PAK1: variants seen among roughly 807,000 people sequenced by gnomAD.
PAK1 encodes the protein p21 (RAC1) activated kinase 1.
Under a neutral mutation model 67.4 loss-of-function variants are expected in PAK1, and 29 were observed. The ratio of observed to expected loss-of-function variants is 0.43; its 90% CI spans 0.32 to 0.59. The LOEUF (loss-of-function observed/expected upper bound fraction) is 0.59. Ranked by LOEUF, PAK1 falls within the 20% of genes least tolerant of loss-of-function variation. The pLI is 0.07. For missense variants in PAK1, 337 were observed against 670.7 expected (o/e 0.50, Z 5.50); for synonymous variants, 223 against 237.4 (o/e 0.94, Z 0.56).
intron 1 of PAK1, among the ~76,000 whole-genome samples, chr11:77,437,523 A>G (rs984540292): frequency 6.6e-6 from 1 of 152,196 alleles, no homozygotes; most frequent in African/African-American, 2.4e-5. Context: ...CTGGTTCTCA[A>G]CAAAAGTTGA....
intron 5 of PAK1, among the ~76,000 whole-genome samples, chr11:77,360,293 A>G (rs1310642127): frequency 6.6e-6 from 1 of 152,304 alleles, no homozygotes; most frequent in East Asian, 1.9e-4. Flanking sequence ...ATATATAAGC[A>G]GTTGTGGTGA....
intron 1 of PAK1, among the ~76,000 whole-genome samples, chr11:77,399,354 G>C (rs1252558947): frequency 1.3e-5 from 2 of 152,174 alleles, no homozygotes; most frequent in Non-Finnish European, 2.9e-5. Flanking sequence ...AATTGAATTT[G>C]AGTGATCAGT....
At chr11:77,484,188 T>A in the PAK1 span, among the ~76,000 whole-genome samples, 1 of 129,054 alleles carries the variant, frequency 7.7e-6, no homozygotes, top group African/African-American at 3.0e-5. Context: ...AGAAAAACCA[T>A]GAGTAAGCCA....
intron 5 of PAK1, among the ~76,000 whole-genome samples, chr11:77,372,311 A>G (rs953943078): frequency 2.0e-5 from 3 of 152,196 alleles, no homozygotes; most frequent in Non-Finnish European, 4.4e-5. Flanking sequence ...AAGGCAGCAC[A>G]AATCAGGGGA....
the PAK1 span, among the ~76,000 whole-genome samples, chr11:77,491,371 G>T: frequency 6.6e-6 from 1 of 151,956 alleles, no homozygotes. Context: ...TGAAGCTAAA[G>T]TGTAGAAGTT....
chr11:77,502,362 T>C, the PAK1 span, among the ~76,000 whole-genome samples: 1 of 152,240 alleles, frequency 6.6e-6, no homozygotes, highest in Non-Finnish European at 1.5e-5. Flanking sequence ...GCACAGAATA[T>C]ACAATCACAC....
intron 2 of PAK1, among the ~76,000 whole-genome samples, chr11:77,380,341 A>G (rs972896371): frequency 1.8e-4 from 27 of 152,190 alleles, no homozygotes; most frequent in Non-Finnish European, 5.9e-5. Flanking sequence ...AAAAATACAA[A>G]AATTAGCTAG....
intron 8 of PAK1, among the ~76,000 whole-genome samples, chr11:77,352,039 C>T (rs1591843665): frequency 1.3e-5 from 2 of 152,090 alleles, no homozygotes; most frequent in Admixed American, 1.3e-4. Flanking sequence ...GAAATAACTA[C>T]ACTGTTCTGA....
chr11:77,462,897 T>C (rs1957419330), intron 1 of PAK1, among the ~76,000 whole-genome samples: 2 of 137,126 alleles, frequency 1.5e-5, no homozygotes, highest in East Asian at 4.3e-4. Flanking sequence ...ACAGTTTGAA[T>C]GCTGGCTCCA....
At chr11:77,485,422 A>G in the PAK1 span, among the ~76,000 whole-genome samples, 1 of 152,192 alleles carries the variant, frequency 6.6e-6, no homozygotes, top group Non-Finnish European at 1.5e-5. Context: ...AAAATATTCC[A>G]TATACCTCAT....
At chr11:77,509,655 G>T in the PAK1 span, among the ~76,000 whole-genome samples, 1 of 152,164 alleles carries the variant, frequency 6.6e-6, no homozygotes, top group Admixed American at 6.6e-5. Context: ...TTCATGGCGG[G>T]TGGATCCCTT....
At chr11:77,373,698 GAC>G (rs1228933992) in intron 5 of PAK1, among the ~76,000 whole-genome samples, 1 of 151,972 alleles carries the variant, frequency 6.6e-6, no homozygotes, top group African/African-American at 2.4e-5. Context: ...AGTTAAGAGA[GAC>G]AGAGAGATCA....
At chr11:77,392,802 T>C (rs922533984) in intron 1 of PAK1, among the ~76,000 whole-genome samples, 6 of 152,332 alleles carry the variant, frequency 3.9e-5, no homozygotes, top group South Asian at 4.1e-4. Context: ...AAAACCATTA[T>C]GATGTAGTTG....
intron 13 of PAK1, among the ~76,000 whole-genome samples, chr11:77,335,059 C>T (rs1036374219): frequency 3.3e-5 from 5 of 152,154 alleles, no homozygotes; most frequent in African/African-American, 1.2e-4. Context: ...TTCTCTTCAT[C>T]TCCAGGACAC....
At chr11:77,351,759 AG>A (rs1320694268) in intron 8 of PAK1, among the ~76,000 whole-genome samples, 1 of 152,002 alleles carries the variant, frequency 6.6e-6, no homozygotes, top group African/African-American at 2.4e-5. Flanking sequence ...AAAAAAAAAA[AG>A]AAAATTTCAA....
chr11:77,478,879 A>G (rs1415624783), upstream of PAK1, among the ~76,000 whole-genome samples: 1 of 149,366 alleles, frequency 6.7e-6, no homozygotes, highest in Non-Finnish European at 1.5e-5. Flanking sequence ...GATCGAGACC[A>G]TCCTGGCTAA....
chr11:77,342,211 A>G (rs567639738), intron 10 of PAK1, among the ~76,000 whole-genome samples: 1 of 151,066 alleles, frequency 6.6e-6, no homozygotes, highest in East Asian at 2.0e-4. Flanking sequence ...GTCCTCTTCC[A>G]TGACCTTACA....
intron 1 of PAK1, among the ~76,000 whole-genome samples, chr11:77,416,754 C>T (rs1954978708): frequency 1.3e-5 from 2 of 152,126 alleles, no homozygotes; most frequent in South Asian, 4.1e-4. Flanking sequence ...GAGATCAAGA[C>T]CATCCTGGCT....
intron 5 of PAK1, among the ~76,000 whole-genome samples, chr11:77,373,657 CCT>C (rs10557182): frequency 0.24 from 36,541 of 151,406 alleles, 4,996 homozygotes; most frequent in Non-Finnish European, 0.31. Flanking sequence ...ACATTTTATC[CCT>C]GTAAGTGCCC....
Sources: gnomAD v4.1 joint callset for allele counts (sites outside exome capture counted in the v4.1 genomes callset) on GRCh38, gnomAD v4.1.1 for gene constraint, MANE v1.5 for transcripts, NCBI Gene and HGNC (gene_info 2026-07-23, HGNC 2026-07-21) for gene names.